The following BAHD1 variants were observed in gnomAD, a reference collection of about 807,000 sequenced individuals.
BAHD1 encodes the protein bromo adjacent homology domain containing 1.
Under a neutral mutation model 63.1 loss-of-function variants are expected in BAHD1, and 20 were observed. That is an observed-to-expected ratio of 0.32 (90% CI 0.22 to 0.46). BAHD1 has a LOEUF of 0.46. Ranked by LOEUF, BAHD1 falls within the 20% of genes least tolerant of loss-of-function variation. BAHD1 has a pLI of 1.00. For missense variants in BAHD1, 939 were observed against 1,071.8 expected (o/e 0.88, Z 1.73); for synonymous variants, 408 against 426.8 (o/e 0.96, Z 0.54).
chr15:40,445,184 G>C (rs1595846346), intron 1 of BAHD1, among the ~76,000 whole-genome samples: 1 of 124,150 alleles, frequency 8.1e-6, no homozygotes, highest in African/African-American at 3.1e-5. Context: ...CTTATATCAA[G>C]AAACAGAGAA....
chr15:40,439,258 T>C (rs765925673), upstream of BAHD1, among the ~76,000 whole-genome samples: 3 of 152,208 alleles, frequency 2.0e-5, no homozygotes, highest in Non-Finnish European at 4.4e-5. Context: ...TTCACACACT[T>C]TCCCTGCTGA....
At position 40,441,163 on chromosome 15, in the gene BAHD1, G is replaced by T. The variant is rs1380151944; in HGVS notation, c.-120G>T. The T allele has an allele frequency of 6.6e-6, 1 of 150,728 alleles. No individual in the cohort carries two copies. The highest frequency in any genetic ancestry group is 1.5e-5 in the Non-Finnish European group (1 of 67,648). 9.3% of individuals were successfully genotyped at this position (150,728 alleles called of 1,614,324 possible). A position where few individuals can be genotyped will look rare whatever the true frequency, so the allele number is the denominator to read the frequency against. On this transcript the variant is annotated 5_prime_UTR_variant, in exon 1 of 7. Coordinates refer to ENST00000416165, the MANE Select transcript of BAHD1 (RefSeq NM_014952.5). ...CAGGAGGAGGCGCTGACGCAGCAGC[G>T]TGGAGCCCGGGAATTGAGCGCCCCC...
intron 2 of BAHD1, among the ~76,000 whole-genome samples, chr15:40,460,271 A>C (rs947893366): frequency 2.0e-5 from 3 of 152,144 alleles, no homozygotes; most frequent in African/African-American, 4.8e-5. Context: ...AATTGTTCTC[A>C]CGGCCCTTCT....
intron 5 of BAHD1, chr15:40,465,067 A>G (rs1894161519): frequency 3.9e-6 from 2 of 509,712 alleles, no homozygotes; most frequent in East Asian, 3.4e-5. Context: ...CCCCTCTCCT[A>G]CGCTAGGCAG....
intron 2 of BAHD1, among the ~76,000 whole-genome samples, chr15:40,460,831 C>G (rs1894018334): frequency 6.6e-6 from 1 of 152,188 alleles, no homozygotes; most frequent in African/African-American, 2.4e-5. Context: ...CCAGTTGGCC[C>G]TGGCCAGACT....
chr15:40,462,589 C>A (rs1289442647), intron 3 of BAHD1, among the ~76,000 whole-genome samples: 1 of 152,128 alleles, frequency 6.6e-6, no homozygotes, highest in Non-Finnish European at 1.5e-5. Context: ...TTGTCCCTTA[C>A]ACCCTGGATT....
chr15:40,465,014 C>T, intron 5 of BAHD1: 1 of 417,640 alleles, frequency 2.4e-6, no homozygotes, highest in Non-Finnish European at 4.4e-6. Context: ...TTCACTTTCC[C>T]TTGCAGGGAC....
chr15:40,460,252 C>T (rs1595860795), intron 2 of BAHD1, among the ~76,000 whole-genome samples: 1 of 152,164 alleles, frequency 6.6e-6, no homozygotes, highest in East Asian at 1.9e-4. Context: ...GGAATTAGGA[C>T]TTTTACCAAA....
At chr15:40,449,327 G>C (rs1481771688) in intron 1 of BAHD1, among the ~76,000 whole-genome samples, 1 of 152,204 alleles carries the variant, frequency 6.6e-6, no homozygotes, top group Admixed American at 6.5e-5. Flanking sequence ...TGCACACTTA[G>C]GGTGTCTGGG....
At chr15:40,440,466 A>G (rs1439143329), upstream of BAHD1, among the ~76,000 whole-genome samples, 1 of 148,128 alleles carries the variant, frequency 6.8e-6, no homozygotes, top group Non-Finnish European at 1.5e-5. Flanking sequence ...TCCGGCGAGG[A>G]TGGGGTGTTC....
intron 4 of BAHD1, 70 bp from the exon 5 acceptor site, chr15:40,464,401 C>T: frequency 7.3e-7 from 1 of 1,370,238 alleles, no homozygotes; most frequent in Non-Finnish European, 1.0e-6. Flanking sequence ...GGGCAGCCAG[C>T]CAGCCTCTCT....
chr15:40,464,807 A>C, intron 5 of BAHD1: 2 of 508,950 alleles, frequency 3.9e-6, no homozygotes, highest in Non-Finnish European at 7.1e-6. Context: ...AGCAGGTGCC[A>C]ATGGGAGCAA....
At chr15:40,464,848 T>C (rs1195321479) in intron 5 of BAHD1, 7 of 456,948 alleles carry the variant, frequency 1.5e-5, no homozygotes, top group Non-Finnish European at 4.0e-6. Flanking sequence ...ACAGGAAAGG[T>C]GAGGTGGAGC....
Position 40,459,652 on chromosome 15 carries a change from C to T in BAHD1, c.1188C>T (p.Cys396=). The T allele has an allele frequency of 1.9e-6, 3 of 1,614,108 alleles. No homozygotes were observed. The highest frequency in any genetic ancestry group is 2.5e-6 in the Non-Finnish European group (3 of 1,180,012). Residue 396 remains cysteine (C), a synonymous_variant, in exon 2 of 7, where the codon TGC becomes TGT. Transcript: ENST00000416165. ...EGLQCGGYSP[C]PMLPEGKLSP... ...TGCAGTGTGGGGGCTACTCGCCCTG[C>T]CCCATGCTTCCTGAGGGCAAGCTGT...
At position 40,466,255 on chromosome 15, in the gene BAHD1, T is replaced by TG. The variant is rs199708769; in HGVS notation, c.*132dup. 0.012 allele frequency: 4,156 copies of TG among 356,874 alleles called. 87 individuals carry two copies. Among genetic ancestry groups the TG allele is most frequent in the African/African-American group, 0.064 (2,657 of 41,840 alleles). The allele number at this position is 356,874 out of a possible 1,614,324, so 22.1% of individuals were successfully genotyped here. ...TAAGTTTGCTGGCCTGTGGTTTTCT[T>TG]GGGGGGGAGGGCAGGGGCCCCTGTG... On this transcript the variant is annotated 3_prime_UTR_variant, in exon 7 of 7. Transcript: ENST00000416165.
Position 40,466,238 on chromosome 15 carries a change from C to A in BAHD1, c.*108C>A. 1 of 981,830 alleles carries A rather than the reference C, an allele frequency of 1.0e-6. No homozygotes were observed. Among genetic ancestry groups the A allele is most frequent in the Non-Finnish European group, 1.4e-6 (1 of 714,268 alleles). 60.8% of individuals were successfully genotyped at this position (981,830 alleles called of 1,614,324 possible). On this transcript the variant is annotated 3_prime_UTR_variant, in exon 7 of 7. Transcript: ENST00000416165. ...AGGGGGCCACAGAGGCCTAAGTTTG[C>A]TGGCCTGTGGTTTTCTTGGGGGGGA...
At chr15:40,462,332 A>G (rs770941024) in intron 3 of BAHD1, 38 bp downstream of exon 3, 1 of 1,561,886 alleles carries the variant, frequency 6.4e-7, no homozygotes, top group Non-Finnish European at 8.7e-7. Context: ...AGAGGGAGGG[A>G]GGCAGTGGGG....
At chr15:40,463,818 T>C in intron 3 of BAHD1, 43 bp from the exon 4 acceptor site, 1 of 1,608,264 alleles carries the variant, frequency 6.2e-7, no homozygotes, top group Non-Finnish European at 8.5e-7. Flanking sequence ...TTACTCTGAG[T>C]GTGGCTCTGC....
Position 40,459,005 on chromosome 15 carries a change from C to G in BAHD1, c.541C>G (p.Arg181Gly). The change falls in exon 2 of 7, where the codon CGG (arginine) becomes GGG (glycine). Residue 181 changes from arginine to glycine, a missense_variant. Physicochemically the swap from Arg to Gly is moderately radical, Grantham distance 125 (BLOSUM62 -2). Coordinates refer to ENST00000416165, the MANE Select transcript of BAHD1 (RefSeq NM_014952.5). ...PRLGDLGGGS[R>G]DLSPEPAPDE... is the part of the protein sequence containing the mutation. The stretch of plus-strand genomic sequence containing the variant: ...GCTGGGGGACCTTGGAGGAGGAAGT[C>G]GGGACCTGTCTCCAGAGCCAGCACC... The G allele has an allele frequency of 6.3e-7, 1 of 1,587,814 alleles. No homozygotes were observed. Among genetic ancestry groups the G allele is most frequent in the Non-Finnish European group, 8.6e-7 (1 of 1,165,280 alleles).
Sources: gnomAD v4.1 joint callset for allele counts (sites outside exome capture counted in the v4.1 genomes callset) on GRCh38, gnomAD v4.1.1 for gene constraint, MANE v1.5 for transcripts, NCBI Gene and HGNC (gene_info 2026-07-23, HGNC 2026-07-21) for gene names.